Variants in ZNF225 observed in about 807,000 individuals in gnomAD.
ZNF225 encodes the protein zinc finger protein 225.
Under a neutral mutation model 12.0 loss-of-function variants are expected in ZNF225, and 6 were observed. The observed-to-expected ratio is 0.50, with a 90% CI of 0.27 to 0.98. ZNF225 has a LOEUF of 0.98. Ranked by LOEUF, ZNF225 falls within the 50% of genes least tolerant of loss-of-function variation. The pLI, the probability that ZNF225 is intolerant of heterozygous loss-of-function variation, is 0.11. For synonymous variants in ZNF225, 271 were observed against 283.2 expected, an observed-to-expected ratio of 0.96 and a Z score of 0.43; for missense variants, 763 against 848.2, an observed-to-expected ratio of 0.90 and a Z score of 1.25.
chr19:44,115,603 C>G (rs1967927321), intron 1 of ZNF225, 157 bp from the exon 2 acceptor site: 1 of 460,350 alleles, frequency 2.2e-6, no homozygotes, highest in African/African-American at 2.0e-5. Context: ...TCCATGTACG[C>G]ATAGGAGGGA....
rs1967887253 is a variant in ZNF225 at position 44,114,094 on chromosome 19, A to G, written c.-69+525A>G. 9.8e-6 allele frequency: 5 copies of G among 511,790 alleles called. No individual in the cohort carries two copies. In the East Asian group the frequency reaches 1.7e-4, roughly 17 times the overall value. The allele number at this position is 511,790 out of a possible 1,614,324, so 31.7% of individuals were successfully genotyped here. A position where few individuals can be genotyped will look rare whatever the true frequency, so the allele number is the denominator to read the frequency against. ...CTTCCAGGAGGGGAGAGGAGCATTT[A>G]ACTTTTATGGGGCACGGCGACCACG... is the stretch of plus-strand genomic sequence containing the variant. On this transcript the variant is annotated intron_variant, in intron 1 of 4. Coordinates refer to ENST00000262894, the MANE Select transcript of ZNF225 (RefSeq NM_013362.4).
At chr19:44,122,825 A>C (rs770828191) in intron 4 of ZNF225, among the ~76,000 whole-genome samples, 1 of 152,062 alleles carries the variant, frequency 6.6e-6, no homozygotes, top group Non-Finnish European at 1.5e-5. Flanking sequence ...TAGAAGAGCT[A>C]CTGATTTGTG....
chr19:44,125,578 G>A (rs1968132358), intron 4 of ZNF225, among the ~76,000 whole-genome samples: 1 of 152,150 alleles, frequency 6.6e-6, no homozygotes, highest in South Asian at 2.1e-4. Flanking sequence ...TGGTTGTCTA[G>A]GTGTCTAGCA....
chr19:44,117,120 A>G (rs1156326636), intron 2 of ZNF225, among the ~76,000 whole-genome samples: 1 of 152,260 alleles, frequency 6.6e-6, no homozygotes, highest in Non-Finnish European at 1.5e-5. Flanking sequence ...AATAAAAAAA[A>G]TTTTAAAAAG....
Position 44,131,892 on chromosome 19 carries a change from G to A in ZNF225, c.1278G>A (p.Lys426=). The change falls in exon 5 of 5, where the codon AAG becomes AAA. Residue 426 remains lysine, a synonymous_variant. Coordinates refer to ENST00000262894, the MANE Select transcript of ZNF225 (RefSeq NM_013362.4). ...ACCAGAGAGCGCACAGTGGAGAAAAGCCATATAGATGTGAGGAGTGTGGGA... is the reference window on the plus strand; with the variant it reads ...ACCAGAGAGCGCACAGTGGAGAAAAACCATATAGATGTGAGGAGTGTGGGA... ...YSHQRAHSGE[K]PYRCEECGKG... is the part of the protein sequence containing the mutation. The A allele has an allele frequency of 6.2e-7, 1 of 1,613,992 alleles. No individual in the cohort carries two copies. Among genetic ancestry groups the A allele is most frequent in the Non-Finnish European group, 8.5e-7 (1 of 1,179,986 alleles).
At position 44,132,594 on chromosome 19, in the gene ZNF225, C is replaced by T; in HGVS notation, c.1980C>T (p.Ser660=). 1 of 1,614,114 alleles carries T rather than the reference C, an allele frequency of 6.2e-7. No homozygotes were observed. The highest frequency in any genetic ancestry group is 8.5e-7 in the Non-Finnish European group (1 of 1,179,980). ...TTCAATGTGAGGACTGTGGGAAGAG[C>T]ATTGTGCACAGTTCATGCCTTAAAG... ...KLLQCEDCGK[S]IVHSSCLKDQ... The change falls in exon 5 of 5, where the codon AGC becomes AGT. Residue 660 remains serine, a synonymous_variant. Transcript: ENST00000262894.
In ZNF225 at chr19:44,128,069, G is replaced by A. The variant is rs574201639; in HGVS notation, c.236-2781G>A. ...CCAGCTTTCCAGCTACCTTTCCTTC[G>A]AGAGATTTACCCATCTGCAGCCTGT... is the stretch of plus-strand genomic sequence containing the variant. On this transcript the variant is annotated intron_variant, in intron 4 of 4. Transcript: ENST00000262894. Among the ~76,000 whole-genome samples, 12 of 151,878 alleles carry A rather than the reference G, an allele frequency of 7.9e-5. 1 individual carries two copies. The highest frequency in any genetic ancestry group is 1.5e-4 in the Non-Finnish European group (10 of 68,016).
rs778208343 is a variant in ZNF225, at chr19:44,131,313, A to G, written c.699A>G (p.Lys233=). ...TCCACACTGGAGAGAAACCATTCAA[A>G]TGTGAGCAGTGTGGGAAAGGCTTTA... is the stretch of plus-strand genomic sequence containing the variant. ...QRIHTGEKPF[K]CEQCGKGFSR... Residue 233 remains lysine, a synonymous_variant, in exon 5 of 5, where the codon AAA becomes AAG. Coordinates refer to ENST00000262894, the MANE Select transcript of ZNF225 (RefSeq NM_013362.4). 6 of 1,614,208 alleles carry G rather than the reference A, an allele frequency of 3.7e-6. No individual in the cohort carries two copies. In the East Asian group the frequency reaches 6.7e-5, roughly 18 times the overall value.
chr19:44,130,774 G>T, intron 4 of ZNF225, 76 bp from the exon 5 acceptor site: 1 of 1,187,404 alleles, frequency 8.4e-7, no homozygotes. Context: ...TTCAGGCTAT[G>T]TCCTAAGTAT....
At chr19:44,114,159 CT>C in intron 1 of ZNF225, 1 of 947,256 alleles carries the variant, frequency 1.1e-6, no homozygotes, top group Non-Finnish European at 1.6e-6. Context: ...CCAGCCCGAC[CT>C]TTCCAAAAGA....
Position 44,131,070 on chromosome 19 carries a change from G to A in ZNF225, c.456G>A (p.Thr152=), listed in dbSNP as rs530437611. 3.6e-5 allele frequency: 58 copies of A among 1,614,040 alleles called. No individual in the cohort carries two copies. The East Asian group carries it at 7.1e-4, about 20-fold the overall frequency. ...GACAGAAACCTTCTGAGGGTAGGAC[G>A]TGTAAAAAGTCCTTTAGTGATGTCT... ...HVRQKPSEGR[T]CKKSFSDVSV... Residue 152 remains threonine (T), a synonymous_variant, in exon 5 of 5, where the codon ACG becomes ACA. Transcript: ENST00000262894.
chr19:44,120,849 T>C (rs1968038175), intron 4 of ZNF225, among the ~76,000 whole-genome samples: 1 of 152,050 alleles, frequency 6.6e-6, no homozygotes, highest in Non-Finnish European at 1.5e-5. Context: ...TGTAGTCTTT[T>C]GTCTCTCGCC....
At chr19:44,118,427 TAGA>T in intron 3 of ZNF225, 52 bp from the exon 4 acceptor site, 1 of 1,611,530 alleles carries the variant, frequency 6.2e-7, no homozygotes, top group Admixed American at 1.7e-5. Flanking sequence ...AAATTTTACT[TAGA>T]TTTTTTTCTA....
At chr19:44,126,324 A>G (rs568356167) in intron 4 of ZNF225, among the ~76,000 whole-genome samples, 3 of 152,172 alleles carry the variant, frequency 2.0e-5, no homozygotes, top group East Asian at 3.9e-4. Context: ...GGGTTTAGCT[A>G]CCCAGCAAGT....
chr19:44,118,461 C>T (rs758561332), intron 3 of ZNF225, 21 bp from the exon 4 acceptor site: 2 of 1,613,250 alleles, frequency 1.2e-6, no homozygotes, highest in Non-Finnish European at 1.7e-6. Context: ...GCACTAAGCA[C>T]ATGACTTTTC....
In ZNF225 at chr19:44,132,166, G is replaced by A; in HGVS notation, c.1552G>A (p.Gly518Arg). The A allele has an allele frequency of 6.2e-7, 1 of 1,614,102 alleles. No homozygotes were observed. Among genetic ancestry groups the A allele is most frequent in the Non-Finnish European group, 8.5e-7 (1 of 1,180,040 alleles). Residue 518 changes from glycine to arginine, a missense_variant, in exon 5 of 5, where the codon GGG becomes AGG. By Grantham distance (125) the Gly-to-Arg change is moderately radical. Transcript: ENST00000262894. ...GEKPFKCEEC[G>R]KRFTQNSQLY... ...AAAACCATTCAAATGTGAAGAGTGT[G>A]GGAAAAGATTTACTCAGAATTCACA...
intron 4 of ZNF225, among the ~76,000 whole-genome samples, chr19:44,127,230 AC>A (rs1968166324): frequency 6.6e-6 from 1 of 152,170 alleles, no homozygotes; most frequent in South Asian, 2.1e-4. Context: ...TGCTTTGTCT[AC>A]CCCTGTATCT....
At chr19:44,124,904 C>T (rs1240290610) in intron 4 of ZNF225, among the ~76,000 whole-genome samples, 1 of 152,074 alleles carries the variant, frequency 6.6e-6, no homozygotes, top group African/African-American at 2.4e-5. Flanking sequence ...TTATATGACT[C>T]CTTACATGTT....
Position 44,131,481 on chromosome 19 carries a change from A to G in ZNF225, c.867A>G (p.Lys289=), listed in dbSNP as rs371221346. The change falls in exon 5 of 5, where the codon AAA becomes AAG. Residue 289 remains lysine (K), a synonymous_variant. Transcript: ENST00000262894. ...TCCATACTGGGGAGAAGCCATTCAA[A>G]TGTGATATATGTTGTAAGAGCTTCC... ...QRIHTGEKPF[K]CDICCKSFRS... is the part of the protein sequence containing the mutation. 3.1e-5 allele frequency: 50 copies of G among 1,613,990 alleles called. No homozygotes were observed. Among genetic ancestry groups the G allele is most frequent in the Non-Finnish European group, 3.9e-5 (46 of 1,179,992 alleles).
Sources: gnomAD v4.1 joint callset for allele counts (sites outside exome capture counted in the v4.1 genomes callset) on GRCh38, gnomAD v4.1.1 for gene constraint, MANE v1.5 for transcripts, NCBI Gene and HGNC (gene_info 2026-07-23, HGNC 2026-07-21) for gene names.